Variants in TEAD4 observed in about 807,000 individuals in gnomAD.
The protein encoded by TEAD4 is TEA domain transcription factor 4, also known as transcriptional enhancer factor TEF-3.
TEAD4 carries 36 observed loss-of-function variants against 52.4 expected under a neutral mutation model. The observed-to-expected ratio is 0.69, with a 90% confidence interval of 0.53 to 0.91. TEAD4 has a LOEUF of 0.91. TEAD4 is among the 40% of genes least tolerant of loss of function. The pLI is 0.00. For synonymous variants in TEAD4, 220 were observed against 231.0 expected, an observed-to-expected ratio of 0.95 and a Z score of 0.43; for missense variants, 508 against 583.9, an observed-to-expected ratio of 0.87 and a Z score of 1.34.
intron 2 of TEAD4, among the ~76,000 whole-genome samples, chr12:2,974,340 A>T (rs1336403527): frequency 2.6e-5 from 4 of 152,182 alleles, no homozygotes; most frequent in African/African-American, 9.6e-5. Flanking sequence ...AAACATCATA[A>T]TCTTCCTTCC....
At chr12:2,961,376 T>C (rs1170854795) in intron 2 of TEAD4, among the ~76,000 whole-genome samples, 1 of 151,728 alleles carries the variant, frequency 6.6e-6, no homozygotes, top group South Asian at 2.1e-4. Flanking sequence ...GTAGGGCTTC[T>C]TGGAAGGAAG....
chr12:3,008,208 T>C (rs1037442079), intron 3 of TEAD4, among the ~76,000 whole-genome samples: 4 of 152,076 alleles, frequency 2.6e-5, no homozygotes, highest in African/African-American at 9.7e-5. Flanking sequence ...GGTAGGAGTA[T>C]GATTTCAGCC....
At chr12:2,961,285 A>G (rs927889740) in intron 2 of TEAD4, among the ~76,000 whole-genome samples, 2 of 152,094 alleles carry the variant, frequency 1.3e-5, no homozygotes, top group African/African-American at 4.8e-5. Flanking sequence ...CATTCTTTCC[A>G]ACTTGCCAGA....
rs200060187 is a variant in TEAD4, at chr12:2,995,061, G to T, written c.226+69G>T. 54 of 1,546,470 alleles carry T rather than the reference G, an allele frequency of 3.5e-5. No homozygotes were observed. In the East Asian group the frequency reaches 1.0e-3, roughly 29 times the overall value. ...AAGGGGCCGACACCAGAACCTTGGG[G>T]TTCCTGCCGGGCCACAGAAGGGGAT... On this transcript the variant is annotated intron_variant, in intron 3 of 12. Transcript: ENST00000359864.
At chr12:3,000,915 A>G (rs1323708600) in intron 3 of TEAD4, among the ~76,000 whole-genome samples, 2 of 152,226 alleles carry the variant, frequency 1.3e-5, no homozygotes, top group East Asian at 3.9e-4. Flanking sequence ...GATGGGACAG[A>G]GGTCACGGAG....
rs115590312 is a variant in TEAD4, at chr12:3,026,269, C to T, written c.897+4252C>T. ...TTTCAATCTTGGTCTGTTTTCTTAG[C>T]GATTTCCTTAATTTTGTATTCTGAC... is the stretch of plus-strand genomic sequence containing the variant. On this transcript the variant is annotated intron_variant, in intron 10 of 12. Coordinates refer to ENST00000359864, the MANE Select transcript of TEAD4 (RefSeq NM_003213.4). Among the ~76,000 whole-genome samples, 808 of 152,284 alleles carry T rather than the reference C, an allele frequency of 5.3e-3. 3 individuals carry two copies. Among genetic ancestry groups the T allele is most frequent in the African/African-American group, 0.018 (756 of 41,546 alleles).
chr12:3,023,029 C>T (rs1380848030), intron 10 of TEAD4, among the ~76,000 whole-genome samples: 2 of 152,202 alleles, frequency 1.3e-5, no homozygotes, highest in Non-Finnish European at 2.9e-5. Flanking sequence ...GGCTTGCCGG[C>T]TCCCGGTGAG....
At chr12:3,033,201 G>A (rs1288881969) in intron 10 of TEAD4, among the ~76,000 whole-genome samples, 12 of 152,186 alleles carry the variant, frequency 7.9e-5, no homozygotes, top group Admixed American at 7.9e-4. Flanking sequence ...TGTCCCCTGA[G>A]TTACTGCTCT....
intron 2 of TEAD4, among the ~76,000 whole-genome samples, chr12:2,975,272 C>A (rs915987979): frequency 4.0e-5 from 6 of 151,742 alleles, no homozygotes; most frequent in African/African-American, 1.5e-4. Context: ...TTGCCCCGCC[C>A]CCAGTCAGTT....
At chr12:2,982,487 G>T (rs2098234889) in intron 2 of TEAD4, among the ~76,000 whole-genome samples, 1 of 152,218 alleles carries the variant, frequency 6.6e-6, no homozygotes, top group Admixed American at 6.5e-5. Flanking sequence ...TCCCCTGGCA[G>T]GCCCTCCTGG....
intron 2 of TEAD4, among the ~76,000 whole-genome samples, chr12:2,974,865 G>T (rs972316986): frequency 1.3e-5 from 2 of 152,146 alleles, no homozygotes; most frequent in Admixed American, 6.6e-5. Flanking sequence ...CGAGGCTGAG[G>T]AAACAAGTGT....
intron 8 of TEAD4, among the ~76,000 whole-genome samples, chr12:3,020,344 G>T (rs1270544272): frequency 1.3e-5 from 2 of 151,704 alleles, no homozygotes; most frequent in East Asian, 2.0e-4. Flanking sequence ...TCTCGGTCCT[G>T]CAGGGCCCCA....
At chr12:3,033,476 C>T (rs536389588) in intron 10 of TEAD4, among the ~76,000 whole-genome samples, 1 of 152,362 alleles carries the variant, frequency 6.6e-6, no homozygotes, top group South Asian at 2.1e-4. Context: ...TAACGCCGCT[C>T]TGCACATTGG....
At chr12:3,013,083 C>G (rs2098261657) in intron 5 of TEAD4, among the ~76,000 whole-genome samples, 1 of 152,148 alleles carries the variant, frequency 6.6e-6, no homozygotes, top group African/African-American at 2.4e-5. Context: ...TCCTGAGTAT[C>G]TGGGACCACA....
intron 3 of TEAD4, 113 bp from the exon 4 acceptor site, chr12:3,010,891 A>G: frequency 1.7e-6 from 2 of 1,162,974 alleles, no homozygotes; most frequent in Admixed American, 3.9e-5. Context: ...AAATCCGCTT[A>G]GGATGGGCAG....
Position 3,012,179 on chromosome 12 carries a change from C to T in TEAD4, c.301C>T (p.His101Tyr). 1.2e-6 allele frequency: 2 copies of T among 1,614,044 alleles called. No homozygotes were observed. Among genetic ancestry groups the T allele is most frequent in the Non-Finnish European group, 1.7e-6 (2 of 1,179,988 alleles). The change falls in exon 5 of 13, where the codon CAC becomes TAC. Residue 101 changes from histidine to tyrosine, a missense_variant. Physicochemically the swap from His to Tyr is moderately conservative, Grantham distance 83. Transcript: ENST00000359864. The stretch of plus-strand genomic sequence containing the variant: ...TCTCTCCCTGCCACAGGTCTCCAGC[C>T]ACATCCAGGTGCTGGCTCGTCGCAA...
chr12:3,021,655 T>A (rs964151626), intron 9 of TEAD4, among the ~76,000 whole-genome samples, 189 bp from the exon 10 acceptor site: 1 of 152,226 alleles, frequency 6.6e-6, no homozygotes, highest in Non-Finnish European at 1.5e-5. Flanking sequence ...AATAGACCTT[T>A]ACTTAGAAGT....
chr12:3,002,673 G>A (rs2098252632), intron 3 of TEAD4, among the ~76,000 whole-genome samples: 1 of 152,250 alleles, frequency 6.6e-6, no homozygotes, highest in Admixed American at 6.5e-5. Context: ...AGGGATGAGA[G>A]CACACAGTAG....
intron 8 of TEAD4, among the ~76,000 whole-genome samples, chr12:3,019,597 T>C (rs1565546059): frequency 6.6e-6 from 1 of 152,188 alleles, no homozygotes; most frequent in African/African-American, 2.4e-5. Context: ...GAAGACCTGG[T>C]GGAGGCAGCC....
Sources: allele counts gnomAD v4.1 joint callset (sites outside exome capture counted in the v4.1 genomes callset), GRCh38; gene constraint gnomAD v4.1.1; transcripts MANE v1.5; gene names NCBI Gene and HGNC (gene_info 2026-07-23, HGNC 2026-07-21).